Variants in PKHD1 observed in about 807,000 individuals in gnomAD.
PKHD1 encodes fibrocystin.
Under a neutral mutation model 412.0 loss-of-function variants are expected in PKHD1, and 291 were observed. The ratio of observed to expected loss-of-function variants is 0.71; its 90% CI spans 0.64 to 0.78. PKHD1 has a LOEUF of 0.78. Among genes scored for constraint, PKHD1 ranks in the 30% least tolerant of loss-of-function variants. PKHD1 has a pLI of 0.00. For missense variants in PKHD1, 4,825 were observed against 4,950.7 expected, an observed-to-expected ratio of 0.97 and a Z score of 0.76; for synonymous variants, 1,777 against 1,821.5, an observed-to-expected ratio of 0.98 and a Z score of 0.62.
rs150153150 is a variant in PKHD1 at position 51,962,339 on chromosome 6, T to C, written c.5752-2313A>G. Reference sequence around the variant, plus strand: ...ATATTTAAGTGGGTCAAAGGTAGACTATTTCATGGTGTTATCCATTAATTA... The same window carrying C: ...ATATTTAAGTGGGTCAAAGGTAGACCATTTCATGGTGTTATCCATTAATTA... On this transcript the variant is annotated intron_variant, in intron 35 of 66. Transcript: ENST00000371117. Among the ~76,000 whole-genome samples the C allele has an allele frequency of 6.8e-3, 1,031 of 152,288 alleles. 12 individuals are homozygous for C. The highest frequency in any genetic ancestry group is 0.023 in the African/African-American group (956 of 41,566).
At chr6:52,006,945 G>A (rs1269535594) in intron 35 of PKHD1, among the ~76,000 whole-genome samples, 1 of 152,080 alleles carries the variant, frequency 6.6e-6, no homozygotes, top group African/African-American at 2.4e-5. Flanking sequence ...TACGATATTT[G>A]GTTTACCATT....
At chr6:51,643,169 T>C (rs1000432313) in intron 63 of PKHD1, among the ~76,000 whole-genome samples, 1 of 152,164 alleles carries the variant, frequency 6.6e-6, no homozygotes, top group African/African-American at 2.4e-5. Context: ...AAAATGGCAC[T>C]GAAAAATGAA....
chr6:51,810,836 CATT>C (rs1764579466), intron 52 of PKHD1, among the ~76,000 whole-genome samples: 1 of 152,166 alleles, frequency 6.6e-6, no homozygotes, highest in Non-Finnish European at 1.5e-5. Context: ...TATCGTGCCT[CATT>C]ATTATAAAAA....
intron 52 of PKHD1, among the ~76,000 whole-genome samples, chr6:51,824,956 C>G (rs568639180): frequency 6.6e-6 from 1 of 152,218 alleles, no homozygotes; most frequent in South Asian, 2.1e-4. Context: ...GTAATTAACA[C>G]TAAGCATTAT....
chr6:52,022,510 GA>G (rs1271804698), intron 33 of PKHD1, among the ~76,000 whole-genome samples: 5 of 152,090 alleles, frequency 3.3e-5, no homozygotes, highest in African/African-American at 1.2e-4. Flanking sequence ...TCAGAATTCA[GA>G]ATTACTTCCT....
At chr6:52,035,871 G>A (rs895730589) in intron 27 of PKHD1, 150 bp from the exon 28 acceptor site, 6 of 768,496 alleles carry the variant, frequency 7.8e-6, no homozygotes, top group Non-Finnish European at 1.3e-5. Flanking sequence ...AAAAACTGGA[G>A]TTAAATATAT....
intron 36 of PKHD1, among the ~76,000 whole-genome samples, chr6:51,945,943 G>A (rs989886105): frequency 2.0e-5 from 3 of 152,306 alleles, no homozygotes; most frequent in Non-Finnish European, 2.9e-5. Flanking sequence ...AAACATGTGT[G>A]AACCTAAGAA....
At chr6:51,674,363 T>G (rs1775499390) in intron 60 of PKHD1, among the ~76,000 whole-genome samples, 1 of 152,164 alleles carries the variant, frequency 6.6e-6, no homozygotes, top group African/African-American at 2.4e-5. Flanking sequence ...TTGACTTCAC[T>G]ACAAAGATGC....
intron 48 of PKHD1, among the ~76,000 whole-genome samples, chr6:51,862,551 A>G (rs371629527): frequency 4.8e-4 from 73 of 152,312 alleles, no homozygotes; most frequent in African/African-American, 1.7e-3. Flanking sequence ...TTATTAGAGG[A>G]AAAGGTAGGC....
intron 52 of PKHD1, among the ~76,000 whole-genome samples, chr6:51,814,330 A>G (rs1422303517): frequency 1.3e-5 from 2 of 152,234 alleles, no homozygotes; most frequent in African/African-American, 2.4e-5. Flanking sequence ...ATTTAGGCCT[A>G]GCACTGCAAA....
At chr6:51,887,357 G>T in intron 43 of PKHD1, 112 bp from the exon 44 acceptor site, 1 of 747,184 alleles carries the variant, frequency 1.3e-6, no homozygotes, top group Non-Finnish European at 2.4e-6. Context: ...TTCTGCCAAA[G>T]TACATTAAAA....
chr6:51,753,806 C>T (rs976713882), intron 56 of PKHD1, among the ~76,000 whole-genome samples: 2 of 152,160 alleles, frequency 1.3e-5, no homozygotes, highest in African/African-American at 4.8e-5. Flanking sequence ...AAAAGGAAAG[C>T]GAGAAGCAGC....
chr6:51,982,897 A>T (rs113462252), intron 35 of PKHD1, among the ~76,000 whole-genome samples: 1 of 150,366 alleles, frequency 6.7e-6, no homozygotes, highest in Non-Finnish European at 1.5e-5. Flanking sequence ...AAATAAAAAA[A>T]AGAGAGGCTC....
At chr6:52,068,077 A>C (rs1016920737) in intron 11 of PKHD1, among the ~76,000 whole-genome samples, 4 of 152,124 alleles carry the variant, frequency 2.6e-5, no homozygotes, top group Admixed American at 6.5e-5. Flanking sequence ...AAGGAGGAGG[A>C]AGGAGAAATT....
chr6:51,646,531 C>T (rs1351469452), intron 63 of PKHD1, among the ~76,000 whole-genome samples: 2 of 152,170 alleles, frequency 1.3e-5, no homozygotes, highest in African/African-American at 2.4e-5. Flanking sequence ...CAACCTCTTG[C>T]TCTTACTGCC....
At chr6:52,081,057 C>G (rs1811957180) in intron 4 of PKHD1, among the ~76,000 whole-genome samples, 1 of 152,096 alleles carries the variant, frequency 6.6e-6, no homozygotes, top group Non-Finnish European at 1.5e-5. Context: ...TCATGAAAAA[C>G]TGTACATTTT....
chr6:51,762,622 C>T (rs553539938), intron 55 of PKHD1, among the ~76,000 whole-genome samples: 8 of 150,440 alleles, frequency 5.3e-5, no homozygotes, highest in East Asian at 2.0e-4. Context: ...ACTTTTCCTC[C>T]GAAGTTTTCA....
intron 60 of PKHD1, among the ~76,000 whole-genome samples, chr6:51,661,452 G>C (rs1252805437): frequency 6.6e-6 from 1 of 151,748 alleles, no homozygotes; most frequent in East Asian, 1.9e-4. Context: ...AATTGAAGAG[G>C]TGTGTCTGAC....
intron 52 of PKHD1, 74 bp from the exon 53 acceptor site, chr6:51,791,447 G>C: frequency 7.2e-7 from 1 of 1,390,068 alleles, no homozygotes; most frequent in African/African-American, 1.4e-5. Context: ...GGTTCTCCCA[G>C]CAGTTTGGGA....
Sources: allele counts gnomAD v4.1 joint callset (sites outside exome capture counted in the v4.1 genomes callset), GRCh38; gene constraint gnomAD v4.1.1; transcripts MANE v1.5; gene names NCBI Gene and HGNC (gene_info 2026-07-23, HGNC 2026-07-21).